MAST2: variants seen among roughly 807,000 people sequenced by gnomAD.
MAST2 encodes microtubule associated serine/threonine kinase 2, also known as microtubule-associated serine/threonine-protein kinase 2.
In MAST2, 70 loss-of-function variants were observed where a neutral mutation model predicts 147.4. The ratio of observed to expected loss-of-function variants is 0.47; its 90% confidence interval spans 0.39 to 0.58. MAST2 has a LOEUF of 0.58. Among genes scored for constraint, MAST2 ranks in the 20% least tolerant of loss-of-function variants. The probability of loss-of-function intolerance (pLI) is 0.00; values close to 1 mark genes in which losing one functional copy is unlikely to be tolerated. For synonymous variants in MAST2, 869 were observed against 896.8 expected, an observed-to-expected ratio of 0.97 and a Z score of 0.55; for missense variants, 2,080 against 2,302.3, an observed-to-expected ratio of 0.90 and a Z score of 1.98.
chr1:45,964,755 T>C (rs1289718506), intron 5 of MAST2, among the ~76,000 whole-genome samples: 2 of 152,212 alleles, frequency 1.3e-5, no homozygotes, highest in Non-Finnish European at 2.9e-5. Flanking sequence ...TCTTGCCTTT[T>C]GCTAGCTTTT....
intron 3 of MAST2, among the ~76,000 whole-genome samples, chr1:45,837,064 A>G (rs1047947337): frequency 3.3e-5 from 5 of 152,132 alleles, no homozygotes; most frequent in African/African-American, 1.2e-4. Flanking sequence ...CTGACAGGAG[A>G]CGGAGTTCAG....
At chr1:45,852,339 T>C (rs1645649427) in intron 3 of MAST2, among the ~76,000 whole-genome samples, 1 of 152,086 alleles carries the variant, frequency 6.6e-6, no homozygotes, top group African/African-American at 2.4e-5. Context: ...ACTAATGTGT[T>C]CTTCTCTATG....
At chr1:46,025,192 G>A (rs562928570) in intron 15 of MAST2, among the ~76,000 whole-genome samples, 21 of 152,220 alleles carry the variant, frequency 1.4e-4, no homozygotes, top group East Asian at 5.8e-4. Context: ...GGTGGTGCAC[G>A]CCTGTGATCC....
intron 3 of MAST2, among the ~76,000 whole-genome samples, chr1:45,831,779 AGT>A (rs753314938): frequency 0.05 from 6,726 of 133,954 alleles, 506 homozygotes; most frequent in African/African-American, 0.16. Context: ...GAAGTTTAAT[AGT>A]TTTTTTTTTT....
At chr1:45,892,108 A>G (rs925887249) in intron 4 of MAST2, among the ~76,000 whole-genome samples, 2 of 152,238 alleles carry the variant, frequency 1.3e-5, no homozygotes, top group Admixed American at 1.3e-4. Flanking sequence ...TCAAATAAGC[A>G]TGATTCTCAA....
At chr1:45,894,533 T>C (rs1038729256) in intron 4 of MAST2, among the ~76,000 whole-genome samples, 1 of 152,202 alleles carries the variant, frequency 6.6e-6, no homozygotes, top group East Asian at 1.9e-4. Context: ...AAATATTTGC[T>C]AACTAGGCGT....
At chr1:45,896,186 C>T (rs1043438447) in intron 4 of MAST2, among the ~76,000 whole-genome samples, 1 of 152,008 alleles carries the variant, frequency 6.6e-6, no homozygotes, top group African/African-American at 2.4e-5. Flanking sequence ...GGTGCCACCA[C>T]ACCTGGCTAA....
At chr1:45,900,916 G>A (rs1162154856) in intron 4 of MAST2, among the ~76,000 whole-genome samples, 3 of 152,044 alleles carry the variant, frequency 2.0e-5, no homozygotes, top group East Asian at 1.9e-4. Flanking sequence ...TGTTGGATGC[G>A]TAGTTGGCAG....
chr1:45,880,890 A>G (rs1646814228), intron 3 of MAST2, among the ~76,000 whole-genome samples: 2 of 150,650 alleles, frequency 1.3e-5, no homozygotes, highest in African/African-American at 4.9e-5. Context: ...AGGCAGTAGA[A>G]TCGCTTGAAC....
chr1:45,830,319 C>A (rs1411705434), intron 3 of MAST2, among the ~76,000 whole-genome samples: 1 of 150,732 alleles, frequency 6.6e-6, no homozygotes, highest in Non-Finnish European at 1.5e-5. Context: ...GGATTACAGG[C>A]ACTTGCCACC....
intron 18 of MAST2, chr1:46,029,170 G>C (rs1394660764): frequency 1.8e-6 from 1 of 555,272 alleles, no homozygotes; most frequent in African/African-American, 1.9e-5. Context: ...TATACACCTG[G>C]GTGTTCCTGT....
intron 4 of MAST2, among the ~76,000 whole-genome samples, chr1:45,910,332 GT>G (rs1409847258): frequency 1.3e-5 from 2 of 151,948 alleles, no homozygotes; most frequent in East Asian, 3.9e-4. Flanking sequence ...AAAAATGGAA[GT>G]TTTTTATTCT....
At chr1:45,914,169 A>G (rs1340678713) in intron 4 of MAST2, among the ~76,000 whole-genome samples, 1 of 152,196 alleles carries the variant, frequency 6.6e-6, no homozygotes, top group Non-Finnish European at 1.5e-5. Flanking sequence ...GCAAATGTTT[A>G]TTTAAAGTTA....
chr1:45,997,979 T>C (rs1390459041), intron 6 of MAST2, among the ~76,000 whole-genome samples, 180 bp downstream of exon 6: 1 of 152,196 alleles, frequency 6.6e-6, no homozygotes, highest in Non-Finnish European at 1.5e-5. Flanking sequence ...GTGTTCTGGT[T>C]TTGCTTTATA....
chr1:45,827,917 C>T (rs1644840983), intron 2 of MAST2, among the ~76,000 whole-genome samples: 1 of 152,126 alleles, frequency 6.6e-6, no homozygotes. Context: ...CCTTGACCAC[C>T]TGAGCTCAGG....
chr1:45,905,174 CTTTT>C (rs1206585552), intron 4 of MAST2, among the ~76,000 whole-genome samples: 3 of 128,090 alleles, frequency 2.3e-5, no homozygotes, highest in Admixed American at 8.0e-5. Flanking sequence ...TATGTTTAAT[CTTTT>C]TTTTTTTTTT....
rs569432779 is a variant in MAST2, at chr1:46,016,590, G to T, written c.1189-3006G>T. Among the ~76,000 whole-genome samples the T allele has an allele frequency of 9.7e-4, 147 of 152,242 alleles. 1 individual carries two copies. Among genetic ancestry groups the T allele is most frequent in the Admixed American group, 3.6e-3 (55 of 15,302 alleles). The stretch of plus-strand genomic sequence containing the variant: ...CTCCCATTCACAATTGCTTCAAAGA[G>T]AATAAAATACCTAGGAATCCAACTT... On this transcript the variant is annotated intron_variant, in intron 10 of 28. Transcript: ENST00000361297.
At chr1:46,026,209 A>T (rs1646403181) in intron 16 of MAST2, among the ~76,000 whole-genome samples, 1 of 152,258 alleles carries the variant, frequency 6.6e-6, no homozygotes, top group African/African-American at 2.4e-5. Flanking sequence ...CTACAGTGGG[A>T]GACAGAAATA....
chr1:45,982,114 G>T (rs1181351655), intron 5 of MAST2, among the ~76,000 whole-genome samples: 1 of 152,154 alleles, frequency 6.6e-6, no homozygotes, highest in African/African-American at 2.4e-5. Context: ...CTCCCAAAGT[G>T]CTGGGATTAG....
Sources: allele counts gnomAD v4.1 joint callset (sites outside exome capture counted in the v4.1 genomes callset), GRCh38; gene constraint gnomAD v4.1.1; transcripts MANE v1.5; gene names NCBI Gene and HGNC (gene_info 2026-07-23, HGNC 2026-07-21).